The following BSN variants were observed in gnomAD, a reference collection of about 807,000 sequenced individuals.
The protein encoded by BSN is protein bassoon.
In BSN, 57 loss-of-function variants were observed where a neutral mutation model predicts 264.8. That is an observed-to-expected ratio of 0.22 (90% CI 0.17 to 0.27). BSN has a LOEUF of 0.27. BSN is among the 10% of genes least tolerant of loss of function. The pLI, the probability that BSN is intolerant of heterozygous loss-of-function variation, is 1.00. For synonymous variants in BSN, 2,059 were observed against 2,137.3 expected (o/e 0.96, Z 1.01); for missense variants, 4,615 against 5,232.5 (o/e 0.88, Z 3.64).
In BSN at chr3:49,625,154, C is replaced by T; in HGVS notation, c.404C>T (p.Thr135Ile). 1 of 1,583,348 alleles carries T rather than the reference C, an allele frequency of 6.3e-7. No individual in the cohort carries two copies. The highest frequency in any genetic ancestry group is 8.6e-7 in the Non-Finnish European group (1 of 1,163,588). Residue 135 changes from threonine (T) to isoleucine (I), a missense_variant, in exon 2 of 12, where the codon ACA becomes ATA. Thr to Ile is a moderately conservative substitution (Grantham distance 89). Coordinates refer to ENST00000296452, the MANE Select transcript of BSN (RefSeq NM_003458.4). This position sits in a 1 kb window ranked among gnomAD's most constrained non-coding sequence, Gnocchi z 4.4. Reference protein sequence around the residue: ...PRRTLQVDSRTQRSGRSPSVS... With the variant: ...PRRTLQVDSRIQRSGRSPSVS... The stretch of plus-strand genomic sequence containing the variant: ...AGGACGCTGCAGGTAGACAGCAGGA[C>T]ACAGAGATCAGGGCGGTCCCCCTCA...
At chr3:49,577,771 C>G (rs2051857349) in intron 1 of BSN, among the ~76,000 whole-genome samples, 1 of 151,954 alleles carries the variant, frequency 6.6e-6, no homozygotes, top group Non-Finnish European at 1.5e-5. Flanking sequence ...AACTCCTCAC[C>G]TCAAGTAATC....
chr3:49,645,788 C>A (rs1205207692), intron 3 of BSN, among the ~76,000 whole-genome samples: 3 of 152,210 alleles, frequency 2.0e-5, no homozygotes, highest in Non-Finnish European at 4.4e-5. Context: ...TTTCTGATTT[C>A]TCAGCACTTG....
chr3:49,654,833 T>C lies in BSN; in HGVS notation c.5277T>C (p.Leu1759=). The C allele has an allele frequency of 6.2e-7, 1 of 1,613,540 alleles. No individual in the cohort carries two copies. The highest frequency in any genetic ancestry group is 8.5e-7 in the Non-Finnish European group (1 of 1,179,998). The change falls in exon 5 of 12, where the codon CTT becomes CTC. Residue 1759 remains leucine (L), a synonymous_variant. Transcript: ENST00000296452. The surrounding 1 kb of genome is among the most constrained non-coding windows in gnomAD (Gnocchi z 4.1). ...VVYGDPYQSR[L]DFGQGGGSPV... is the part of the protein sequence containing the mutation. ...ATGGAGACCCCTACCAGAGCCGCCT[T>C]GACTTTGGCCAGGGTGGGGGTAGCC...
In BSN at chr3:49,653,688, C is replaced by A. The variant is rs1218915307; in HGVS notation, c.4132C>A (p.Pro1378Thr). The change falls in exon 5 of 12, where the codon CCT becomes ACT. Residue 1378 changes from proline to threonine, a missense_variant. Pro to Thr is a conservative substitution (Grantham distance 38). Transcript: ENST00000296452. The surrounding 1 kb of genome is among the most constrained non-coding windows in gnomAD (Gnocchi z 6.3). ...GATAGGCATGCCCTTTTCCCAGGGC[C>A]CTGGGACCCCAGCCACCACAGCTGT... ...KEIGMPFSQGPGTPATTAVAP... is the reference protein window; with the variant it reads ...KEIGMPFSQGTGTPATTAVAP... 1 of 1,613,846 alleles carries A rather than the reference C, an allele frequency of 6.2e-7. No individual in the cohort carries two copies. Among genetic ancestry groups the A allele is most frequent in the South Asian group, 1.1e-5 (1 of 91,070 alleles).
intron 1 of BSN, among the ~76,000 whole-genome samples, chr3:49,595,494 A>G (rs1340899635): frequency 6.9e-6 from 1 of 145,724 alleles, no homozygotes; most frequent in Non-Finnish European, 1.5e-5. Context: ...CGGCCTCACA[A>G]TTTTTTTTTT....
In BSN at chr3:49,662,473, A is replaced by G; in HGVS notation, c.10628A>G (p.His3543Arg). Residue 3543 changes from histidine (H) to arginine (R), a missense_variant, in exon 6 of 12, where the codon CAT (histidine) becomes CGT (arginine). Physicochemically the swap from His to Arg is conservative, Grantham distance 29. This residue lies in a region of BSN where 3,415 missense variants were observed against 3,866.4 expected (regional missense o/e 0.88). Transcript: ENST00000296452. ...SSHSMPDVQE[H>R]VKDGPRAHAY... ...CACTCCATGCCTGATGTCCAGGAAC[A>G]TGTCAAGGACGGACCTCGGGCCCAC... 1 of 1,613,730 alleles carries G rather than the reference A, an allele frequency of 6.2e-7. No homozygotes were observed. Among genetic ancestry groups the G allele is most frequent in the South Asian group, 1.1e-5 (1 of 91,092 alleles).
intron 2 of BSN, among the ~76,000 whole-genome samples, chr3:49,627,908 T>C (rs1296726456): frequency 6.6e-6 from 1 of 151,892 alleles, no homozygotes; most frequent in Non-Finnish European, 1.5e-5. Context: ...AACTGGAGAG[T>C]GTCCTGGGGA....
chr3:49,634,777 A>G lies in BSN; in HGVS notation c.634-7491A>G, dbSNP rs553626627. On this transcript the variant is annotated intron_variant, in intron 2 of 11. Transcript: ENST00000296452. Reference sequence around the variant, plus strand: ...TGAATTATTAATGCCACTGAATTGTATACTTTAAGATGGTTAAAATTACAA... The same window carrying G: ...TGAATTATTAATGCCACTGAATTGTGTACTTTAAGATGGTTAAAATTACAA... 3.9e-5 allele frequency among the ~76,000 whole-genome samples: 6 copies of G among 152,380 alleles called. No homozygotes were observed. In the South Asian group the frequency reaches 6.2e-4, roughly 16 times the overall value.
intron 1 of BSN, among the ~76,000 whole-genome samples, chr3:49,615,842 G>T (rs2052255995): frequency 6.6e-6 from 1 of 152,186 alleles, no homozygotes; most frequent in East Asian, 1.9e-4. Context: ...ACTGAATCTG[G>T]TCTGGGAAAC....
intron 1 of BSN, among the ~76,000 whole-genome samples, chr3:49,573,380 A>C (rs1054170707): frequency 4.6e-5 from 7 of 152,310 alleles, no homozygotes; most frequent in African/African-American, 1.7e-4. Flanking sequence ...AGAAAGATGG[A>C]GGGGAGCAAA....
intron 1 of BSN, among the ~76,000 whole-genome samples, chr3:49,589,616 C>T (rs1388300130): frequency 6.7e-6 from 1 of 150,168 alleles, no homozygotes. Context: ...AAGCGATTCT[C>T]CTGCCTCAGC....
In BSN at chr3:49,570,975, G is replaced by A. The variant is rs138053898; in HGVS notation, c.224+16149G>A. Among the ~76,000 whole-genome samples, 66 of 152,300 alleles carry A rather than the reference G, an allele frequency of 4.3e-4. 1 individual carries two copies. The highest frequency in any genetic ancestry group is 3.4e-3 in the Middle Eastern group (1 of 294). On this transcript the variant is annotated intron_variant, in intron 1 of 11. Coordinates refer to ENST00000296452, the MANE Select transcript of BSN (RefSeq NM_003458.4). ...AGTGGAAGTGACCCCAGGAGTACCA[G>A]AGCTGAGCCTTCCAGCAAAGTTTGG... is the stretch of plus-strand genomic sequence containing the variant.
Position 49,612,240 on chromosome 3 carries a change from G to A in BSN, c.225-12735G>A, listed in dbSNP as rs139420943. Among the ~76,000 whole-genome samples, 107 of 151,542 alleles carry A rather than the reference G, an allele frequency of 7.1e-4. 1 individual carries two copies. The East Asian group carries it at 0.013, about 19-fold the overall frequency. ...AAGCTCCGCCTCCCGGGTTCACGCCGTCCTCCTTCCCCAGCCTCCCAAGTA... is the reference window on the plus strand; with the variant it reads ...AAGCTCCGCCTCCCGGGTTCACGCCATCCTCCTTCCCCAGCCTCCCAAGTA... On this transcript the variant is annotated intron_variant, in intron 1 of 11. Transcript: ENST00000296452.
chr3:49,641,332 A>G (rs964889281), intron 2 of BSN, among the ~76,000 whole-genome samples: 1 of 152,148 alleles, frequency 6.6e-6, no homozygotes, highest in Non-Finnish European at 1.5e-5. Flanking sequence ...TGCTGCTGCA[A>G]AGCTACATCC....
chr3:49,639,839 A>T (rs1041598922), intron 2 of BSN, among the ~76,000 whole-genome samples: 8 of 152,248 alleles, frequency 5.3e-5, no homozygotes, highest in Non-Finnish European at 1.0e-4. Flanking sequence ...CTCTCCTGTG[A>T]GGACAAAATG....
At chr3:49,565,144 CTTTTTTTTTT>C (rs971015437) in intron 1 of BSN, among the ~76,000 whole-genome samples, 1 of 104,580 alleles carries the variant, frequency 9.6e-6, no homozygotes, top group African/African-American at 3.5e-5. Flanking sequence ...AGAGGATTTT[CTTTTTTTTTT>C]TTTTTTTTTG....
At chr3:49,593,397 T>G (rs572766810) in intron 1 of BSN, among the ~76,000 whole-genome samples, 4 of 152,256 alleles carry the variant, frequency 2.6e-5, no homozygotes, top group African/African-American at 9.6e-5. Context: ...CAAGTCTTCA[T>G]TTTTCTGGTA....
In BSN at chr3:49,656,501, C is replaced by T. The variant is rs2052602841; in HGVS notation, c.6945C>T (p.Thr2315=). The T allele has an allele frequency of 1.9e-6, 3 of 1,588,254 alleles. No homozygotes were observed. The highest frequency in any genetic ancestry group is 2.6e-6 in the Non-Finnish European group (3 of 1,165,940). ...GGGAAGAGCCTCTTCCCACAACCAC[C>T]CCTGCTGCCATCAAGGAGGCTGCAG... ...AAREEPLPTT[T]PAAIKEAAGA... Residue 2315 remains threonine, a synonymous_variant, in exon 5 of 12, where the codon ACC becomes ACT. Coordinates refer to ENST00000296452, the MANE Select transcript of BSN (RefSeq NM_003458.4).
At chr3:49,619,415 C>G (rs1305481439) in intron 1 of BSN, among the ~76,000 whole-genome samples, 1 of 152,198 alleles carries the variant, frequency 6.6e-6, no homozygotes, top group African/African-American at 2.4e-5. Context: ...TTTCTACCCC[C>G]TCTACAGCTA....
Sources: allele counts gnomAD v4.1 joint callset (sites outside exome capture counted in the v4.1 genomes callset), GRCh38; gene constraint gnomAD v4.1.1; regional missense constraint gnomAD v4.1.1; non-coding constraint Gnocchi (gnomAD v3.1); transcripts MANE v1.5; gene names NCBI Gene and HGNC (gene_info 2026-07-23, HGNC 2026-07-21).